Variants in TANGO6 observed in about 807,000 individuals in gnomAD.
The protein encoded by TANGO6 is transport and Golgi organization protein 6 homolog.
A neutral mutation model predicts 114.2 loss-of-function variants in TANGO6; 90 were observed. That is an observed-to-expected ratio of 0.79 (90% confidence interval 0.66 to 0.94). The LOEUF is 0.94. Among genes scored for constraint, TANGO6 ranks in the 40% least tolerant of loss-of-function variants. TANGO6 has a pLI of 0.00. For synonymous variants in TANGO6, 477 were observed against 509.8 expected (o/e 0.94, Z 0.87); for missense variants, 1,274 against 1,315.3 (o/e 0.97, Z 0.49).
intron 15 of TANGO6, among the ~76,000 whole-genome samples, chr16:68,982,400 A>G (rs995325039): frequency 3.3e-5 from 5 of 151,828 alleles, no homozygotes; most frequent in Admixed American, 3.3e-4. Context: ...CAGTGGTGCA[A>G]TCTTGGCTCA....
At chr16:68,964,468 A>G (rs1963624484) in intron 14 of TANGO6, among the ~76,000 whole-genome samples, 1 of 152,132 alleles carries the variant, frequency 6.6e-6, no homozygotes, top group African/African-American at 2.4e-5. Flanking sequence ...TTGTACACAA[A>G]TAGTTGAATT....
intron 9 of TANGO6, among the ~76,000 whole-genome samples, chr16:68,906,580 T>A (rs1962852247): frequency 6.6e-6 from 1 of 152,118 alleles, no homozygotes; most frequent in South Asian, 2.1e-4. Flanking sequence ...ATCTTTTTTT[T>A]TTTTGTAGAA....
At chr16:68,907,271 C>A (rs1470052757) in intron 9 of TANGO6, among the ~76,000 whole-genome samples, 172 bp from the exon 10 acceptor site, 1 of 151,998 alleles carries the variant, frequency 6.6e-6, no homozygotes, top group South Asian at 2.1e-4. Flanking sequence ...TTCTGATAAT[C>A]AATACTTTTT....
At chr16:68,875,879 A>G (rs1037293420) in intron 5 of TANGO6, among the ~76,000 whole-genome samples, 11 of 152,070 alleles carry the variant, frequency 7.2e-5, no homozygotes, top group Non-Finnish European at 1.3e-4. Flanking sequence ...TTTTCTCTCC[A>G]TGTGTTTTTA....
chr16:69,048,868 G>C (rs1469422490), intron 17 of TANGO6, among the ~76,000 whole-genome samples: 1 of 152,152 alleles, frequency 6.6e-6, no homozygotes, highest in African/African-American at 2.4e-5. Flanking sequence ...AAGTGTGTTG[G>C]AAAAGGAGCA....
intron 14 of TANGO6, among the ~76,000 whole-genome samples, chr16:68,968,763 C>T (rs374660614): frequency 5.3e-5 from 8 of 150,838 alleles, no homozygotes; most frequent in Non-Finnish European, 1.0e-4. Flanking sequence ...CTCCACCTCC[C>T]GGGTTCACGC....
rs763275465 is a variant in TANGO6, at chr16:68,860,509, A to G, written c.720A>G (p.Leu240=). 1 of 1,613,348 alleles carries G rather than the reference A, an allele frequency of 6.2e-7. No individual in the cohort carries two copies. The highest frequency in any genetic ancestry group is 2.2e-5 in the East Asian group (1 of 44,896). The change falls in exon 2 of 18, where the codon CTA becomes CTG. Residue 240 remains leucine (L), a synonymous_variant. Transcript: ENST00000261778. ...TCTGCCCAACCAAAAGAAAACTGCT[A>G]ACACCTGCAGAAGAGGTAAATATAC... ...LGFCPTKRKL[L]TPAEEVLTEE... is the part of the protein sequence containing the mutation.
At chr16:69,067,966 C>G (rs1170021649) in intron 17 of TANGO6, among the ~76,000 whole-genome samples, 15 of 143,350 alleles carry the variant, frequency 1.0e-4, no homozygotes, top group East Asian at 2.0e-4. Context: ...AGAAAATAAA[C>G]CCCATCTCTA....
At chr16:68,882,908 C>T (rs965567420) in intron 7 of TANGO6, among the ~76,000 whole-genome samples, 3 of 152,104 alleles carry the variant, frequency 2.0e-5, no homozygotes, top group Non-Finnish European at 4.4e-5. Flanking sequence ...GTCCGAGCTA[C>T]TCAGGAGGCT....
At chr16:69,016,887 C>T (rs1959309236) in intron 15 of TANGO6, among the ~76,000 whole-genome samples, 1 of 152,086 alleles carries the variant, frequency 6.6e-6, no homozygotes. Flanking sequence ...TCTCAAACTC[C>T]TGACCTCAGG....
intron 14 of TANGO6, among the ~76,000 whole-genome samples, chr16:68,946,658 T>A (rs1347350826): frequency 2.0e-5 from 3 of 152,082 alleles, no homozygotes; most frequent in Non-Finnish European, 4.4e-5. Flanking sequence ...CACACCACCA[T>A]GCCCAGCTAA....
intron 5 of TANGO6, among the ~76,000 whole-genome samples, chr16:68,877,906 C>T (rs1456749976): frequency 1.3e-5 from 2 of 152,208 alleles, no homozygotes; most frequent in Non-Finnish European, 1.5e-5. Context: ...CCACACCCGG[C>T]CAAAAAATTT....
intron 16 of TANGO6, chr16:69,035,380 A>G (rs1049622015): frequency 1.3e-5 from 2 of 152,244 alleles, no homozygotes; most frequent in African/African-American, 4.8e-5. Context: ...CTGAATTTTA[A>G]TAAAGGAAGC....
At chr16:69,033,427 G>A (rs1360911884) in intron 16 of TANGO6, among the ~76,000 whole-genome samples, 2 of 152,206 alleles carry the variant, frequency 1.3e-5, no homozygotes, top group East Asian at 3.9e-4. Flanking sequence ...CCTTAAGGAA[G>A]TCTCAGTAAC....
In TANGO6 at chr16:68,843,632, G is replaced by A. The variant is rs1177978946; in HGVS notation, c.15G>A (p.Gln5=). The stretch of plus-strand genomic sequence containing the variant: ...ACACTCCAGTCATGGCGGCCCGACA[G>A]GCCGTGGGCAGCGGGGCTCAGGAGA... MAAR[Q]AVGSGAQETC... is the part of the protein sequence containing the mutation. The change falls in exon 1 of 18, where the codon CAG becomes CAA. Residue 5 remains glutamine, a synonymous_variant. Coordinates refer to ENST00000261778, the MANE Select transcript of TANGO6 (RefSeq NM_024562.2). The A allele has an allele frequency of 1.2e-6, 2 of 1,613,562 alleles. No individual in the cohort carries two copies. Among genetic ancestry groups the A allele is most frequent in the South Asian group, 1.1e-5 (1 of 91,072 alleles).
chr16:68,881,462 C>G (rs763468768), intron 7 of TANGO6, among the ~76,000 whole-genome samples: 1 of 152,050 alleles, frequency 6.6e-6, no homozygotes, highest in Non-Finnish European at 1.5e-5. Flanking sequence ...TGCAGTGTGC[C>G]GATATCATGC....
chr16:68,880,176 A>G (rs116968477), intron 6 of TANGO6, among the ~76,000 whole-genome samples: 9,181 of 149,414 alleles, frequency 0.061, 285 homozygotes, highest in Admixed American at 0.095. Context: ...GTTTCACCAT[A>G]TTGGCCAGGT....
At chr16:68,951,634 A>G (rs1409643292) in intron 14 of TANGO6, among the ~76,000 whole-genome samples, 2 of 138,440 alleles carry the variant, frequency 1.4e-5, no homozygotes, top group South Asian at 2.2e-4. Flanking sequence ...TTTTTTTGAG[A>G]CAGAGTCTCG....
chr16:68,919,327 G>A, intron 12 of TANGO6, 108 bp downstream of exon 12: 2 of 1,356,206 alleles, frequency 1.5e-6, no homozygotes, highest in Middle Eastern at 2.6e-4. Context: ...ATTGTACATA[G>A]GAGAACCTAG....
Sources: allele counts gnomAD v4.1 joint callset (sites outside exome capture counted in the v4.1 genomes callset), GRCh38; gene constraint gnomAD v4.1.1; transcripts MANE v1.5; gene names NCBI Gene and HGNC (gene_info 2026-07-23, HGNC 2026-07-21).